Variants in AGPAT3 observed in about 807,000 individuals in gnomAD.
The protein encoded by AGPAT3 is 1-acylglycerol-3-phosphate O-acyltransferase 3, also known as 1-acyl-sn-glycerol-3-phosphate acyltransferase gamma.
In AGPAT3, 5 loss-of-function variants were observed where a neutral mutation model predicts 47.3. The observed-to-expected ratio is 0.11, with a 90% CI of 0.06 to 0.22. The LOEUF (loss-of-function observed/expected upper bound fraction) is 0.22, where lower values mean the gene tolerates loss of function less well. Ranked by LOEUF, AGPAT3 falls within the 10% of genes least tolerant of loss-of-function variation. AGPAT3 has a pLI of 1.00. For missense variants in AGPAT3, 315 were observed against 493.0 expected (o/e 0.64, Z 3.42); for synonymous variants, 212 against 208.3 (o/e 1.02, Z -0.15).
intron 8 of AGPAT3, 50 bp from the exon 9 acceptor site, chr21:43,980,939 T>C: frequency 6.8e-7 from 1 of 1,462,030 alleles, no homozygotes; most frequent in Non-Finnish European, 9.5e-7. Flanking sequence ...ATTGAAATAA[T>C]AGCTTGTAAA....
chr21:43,891,672 A>G (rs985999014), intron 1 of AGPAT3, among the ~76,000 whole-genome samples: 10 of 150,898 alleles, frequency 6.6e-5, no homozygotes, highest in African/African-American at 2.4e-4. Flanking sequence ...CACCTGTTCA[A>G]GTTTGATCAT....
At chr21:43,948,558 AG>A (rs550143244) in intron 2 of AGPAT3, among the ~76,000 whole-genome samples, 56 of 152,188 alleles carry the variant, frequency 3.7e-4, no homozygotes, top group African/African-American at 1.3e-3. Context: ...TTACCAGCAA[AG>A]GGGGTAGTGG....
At chr21:43,946,420 C>A (rs2087890746) in intron 2 of AGPAT3, among the ~76,000 whole-genome samples, 1 of 152,012 alleles carries the variant, frequency 6.6e-6, no homozygotes, top group Non-Finnish European at 1.5e-5. Context: ...GCCAACATGG[C>A]AAAATCCCTT....
At chr21:43,966,577 A>G (rs1449713588) in intron 3 of AGPAT3, 9 of 152,214 alleles carry the variant, frequency 5.9e-5, no homozygotes. Flanking sequence ...ATGTGCCTGC[A>G]GCATCATGAC....
chr21:43,905,982 G>A (rs538575446), intron 2 of AGPAT3, among the ~76,000 whole-genome samples: 6 of 152,360 alleles, frequency 3.9e-5, no homozygotes, highest in East Asian at 1.9e-4. Flanking sequence ...CGGCCAAGGC[G>A]CGTCAGGCAT....
intron 2 of AGPAT3, among the ~76,000 whole-genome samples, chr21:43,949,877 C>A (rs1208248540): frequency 6.6e-6 from 1 of 152,220 alleles, no homozygotes; most frequent in Non-Finnish European, 1.5e-5. Context: ...TCCTTGGCTC[C>A]TGAACACACA....
intron 1 of AGPAT3, among the ~76,000 whole-genome samples, chr21:43,885,983 C>G (rs1302991992): frequency 1.3e-5 from 2 of 152,164 alleles, no homozygotes; most frequent in Non-Finnish European, 2.9e-5. Context: ...GTCAGGGGCT[C>G]CAAATACAGG....
intron 1 of AGPAT3, among the ~76,000 whole-genome samples, chr21:43,892,339 C>T (rs1308872081): frequency 6.6e-6 from 1 of 152,030 alleles, no homozygotes; most frequent in East Asian, 1.9e-4. Flanking sequence ...AGAAATTACT[C>T]CTTGATCCAT....
At chr21:43,927,805 C>T (rs1784157525) in intron 2 of AGPAT3, among the ~76,000 whole-genome samples, 1 of 152,208 alleles carries the variant, frequency 6.6e-6, no homozygotes, top group Admixed American at 6.5e-5. Flanking sequence ...GGTGTAAGGG[C>T]TTCCATGAGG....
In AGPAT3 at chr21:43,970,865, C is replaced by G; in HGVS notation, c.664+59C>G. ...CTATGCTCACGGAAAATAGTGATTT[C>G]TTTAAAAAAAAAAAAAATGAGTGCA... On this transcript the variant is annotated intron_variant, in intron 6 of 9. Coordinates refer to ENST00000291572, the MANE Select transcript of AGPAT3 (RefSeq NM_020132.5). The surrounding 1 kb of genome is among the most constrained non-coding windows in gnomAD (Gnocchi z 5.8). 1 of 1,318,144 alleles carries G rather than the reference C, an allele frequency of 7.6e-7. No homozygotes were observed. The allele number at this position is 1,318,144 out of a possible 1,614,324, so 81.7% of individuals were successfully genotyped here.
chr21:43,899,474 G>T (rs2086301725), intron 1 of AGPAT3, among the ~76,000 whole-genome samples: 1 of 152,354 alleles, frequency 6.6e-6, no homozygotes, highest in Admixed American at 6.5e-5. Context: ...GGCCGGGGAT[G>T]TGCACCCAGA....
intron 3 of AGPAT3, chr21:43,967,176 C>A (rs2089166704): frequency 6.6e-6 from 1 of 152,336 alleles, no homozygotes; most frequent in Admixed American, 6.5e-5. Context: ...CCCCTCCACA[C>A]TTCTGGGAAG....
intron 4 of AGPAT3, among the ~76,000 whole-genome samples, chr21:43,968,745 C>T (rs756759955): frequency 4.6e-5 from 7 of 152,110 alleles, no homozygotes; most frequent in Non-Finnish European, 8.8e-5. Context: ...GAACCACTTC[C>T]GTTAGCTAAG....
At chr21:43,912,950 A>T (rs975195079) in intron 2 of AGPAT3, among the ~76,000 whole-genome samples, 8 of 152,310 alleles carry the variant, frequency 5.3e-5, no homozygotes, top group African/African-American at 1.9e-4. Context: ...CCTGTGAATG[A>T]GCACCTCACT....
intron 1 of AGPAT3, among the ~76,000 whole-genome samples, chr21:43,869,944 G>A (rs534616555): frequency 3.3e-5 from 5 of 152,328 alleles, no homozygotes; most frequent in African/African-American, 9.6e-5. Context: ...GGGCTCAAGC[G>A]ATCCTCCCAC....
rs1303450217 is a variant in AGPAT3, at chr21:43,930,824, G to A, written c.-49+26805G>A. The stretch of plus-strand genomic sequence containing the variant: ...GGTGGCCCACGGCAGGCCAGTGTGC[G>A]GTCCTCAAGCTGCTGGTGACAAACG... On this transcript the variant is annotated intron_variant, in intron 2 of 9. Transcript: ENST00000291572. This position sits in a 1 kb window ranked among gnomAD's most constrained non-coding sequence, Gnocchi z 5.0. 3.9e-5 allele frequency among the ~76,000 whole-genome samples: 6 copies of A among 152,158 alleles called. No homozygotes were observed. The highest frequency in any genetic ancestry group is 1.2e-4 in the African/African-American group (5 of 41,432).
intron 1 of AGPAT3, among the ~76,000 whole-genome samples, chr21:43,869,795 CTCACCTGTCACCT>C (rs1041214046): frequency 1.3e-5 from 2 of 152,220 alleles, no homozygotes; most frequent in Non-Finnish European, 2.9e-5. Context: ...CACCTGTCTC[CTCACCTGTCACCT>C]TGAAGCGGCT....
At position 43,930,725 on chromosome 21, in the gene AGPAT3, A is replaced by C. The variant is rs1478545434; in HGVS notation, c.-49+26706A>C. On this transcript the variant is annotated intron_variant, in intron 2 of 9. Coordinates refer to ENST00000291572, the MANE Select transcript of AGPAT3 (RefSeq NM_020132.5). The surrounding 1 kb of genome is among the most constrained non-coding windows in gnomAD (Gnocchi z 5.0). The stretch of plus-strand genomic sequence containing the variant: ...GCAGAGGGAAGCAGGGCTTGCTGGC[A>C]CATTCCCAGGGGGCTGCTGTAGGGC... Among the ~76,000 whole-genome samples the C allele has an allele frequency of 6.6e-6, 1 of 152,124 alleles. No homozygotes were observed. Among genetic ancestry groups the C allele is most frequent in the African/African-American group, 2.4e-5 (1 of 41,420 alleles).
chr21:43,888,238 G>A (rs960949329), intron 1 of AGPAT3, among the ~76,000 whole-genome samples: 1 of 151,892 alleles, frequency 6.6e-6, no homozygotes, highest in African/African-American at 2.4e-5. Context: ...TGGGGTCTCA[G>A]TATATTGCCC....
Sources: gnomAD v4.1 joint callset for allele counts (sites outside exome capture counted in the v4.1 genomes callset) on GRCh38, gnomAD v4.1.1 for gene constraint, Gnocchi (gnomAD v3.1) non-coding constraint, MANE v1.5 for transcripts, NCBI Gene and HGNC (gene_info 2026-07-23, HGNC 2026-07-21) for gene names.